CFAP54: variants seen among roughly 807,000 people sequenced by gnomAD.
CFAP54 encodes cilia and flagella associated protein 54.
A neutral mutation model predicts 370.4 loss-of-function variants in CFAP54; 290 were observed. The observed-to-expected ratio is 0.78, with a 90% confidence interval of 0.71 to 0.86. CFAP54 has a LOEUF of 0.86. Among genes scored for constraint, CFAP54 ranks in the 40% least tolerant of loss-of-function variants. The probability of loss-of-function intolerance (pLI) is 0.00; values close to 1 mark genes in which losing one functional copy is unlikely to be tolerated. For synonymous variants in CFAP54, 1,206 were observed against 1,236.5 expected, an observed-to-expected ratio of 0.98 and a Z score of 0.52; for missense variants, 3,399 against 3,528.7, an observed-to-expected ratio of 0.96 and a Z score of 0.93.
chr12:96,588,733 A>G (rs551760845), intron 22 of CFAP54, among the ~76,000 whole-genome samples: 1 of 150,858 alleles, frequency 6.6e-6, no homozygotes, highest in South Asian at 2.1e-4. Context: ...GAGATTTTAT[A>G]TTGTTATTTA....
At chr12:96,814,722 C>T (rs922273282) in intron 64 of CFAP54, among the ~76,000 whole-genome samples, 1 of 152,156 alleles carries the variant, frequency 6.6e-6, no homozygotes, top group Non-Finnish European at 1.5e-5. Context: ...AACCCACCAA[C>T]AGGCCCTAGT....
intron 8 of CFAP54, among the ~76,000 whole-genome samples, 176 bp from the exon 9 acceptor site, chr12:96,527,070 A>AT (rs934639870): frequency 2.0e-5 from 3 of 151,720 alleles, no homozygotes; most frequent in African/African-American, 4.8e-5. Context: ...CAATTCTGAA[A>AT]TTTTTTTGTT....
In CFAP54 at chr12:96,756,502, T is replaced by C. The variant is rs764374001; in HGVS notation, c.7885T>C (p.Phe2629Leu). Reference protein sequence around the residue: ...QILMEEKSPSFQLESLYEAIQ... With the variant: ...QILMEEKSPSLQLESLYEAIQ... ...ACTAATGGAAGAGAAATCTCCAAGTTTTCAACTTGAGAGTTTATATGAAGC... is the reference window on the plus strand; with the variant it reads ...ACTAATGGAAGAGAAATCTCCAAGTCTTCAACTTGAGAGTTTATATGAAGC... Residue 2629 changes from phenylalanine (F) to leucine (L), a missense_variant, in exon 57 of 68, where the codon TTT (phenylalanine) becomes CTT (leucine). By Grantham distance (22) the Phe-to-Leu change is conservative. Around this residue, in one of 3 missense-constraint regions of CFAP54, gnomAD observed 2,796 missense variants for 2,869.7 expected, o/e 0.97. Transcript: ENST00000524981. 1.7e-5 allele frequency: 28 copies of C among 1,604,264 alleles called. No individual in the cohort carries two copies. In the African/African-American group the frequency reaches 3.6e-4, roughly 21 times the overall value.
chr12:96,567,339 C>T (rs1474019851), intron 19 of CFAP54, among the ~76,000 whole-genome samples: 3 of 152,050 alleles, frequency 2.0e-5, no homozygotes, highest in Non-Finnish European at 2.9e-5. Context: ...GTATTTTTCG[C>T]CAAGCTAAGA....
At chr12:96,636,217 G>C (rs909499094) in intron 32 of CFAP54, among the ~76,000 whole-genome samples, 3 of 152,104 alleles carry the variant, frequency 2.0e-5, no homozygotes, top group African/African-American at 7.2e-5. Flanking sequence ...CAGGGGACAG[G>C]TACCAAATAT....
intron 26 of CFAP54, among the ~76,000 whole-genome samples, chr12:96,604,431 G>T (rs1565910979): frequency 3.9e-5 from 6 of 152,218 alleles, no homozygotes; most frequent in Non-Finnish European, 1.5e-5. Context: ...ACTTGAGGAG[G>T]CAGTCTGTCC....
chr12:96,748,929 A>T (rs1958151404), intron 55 of CFAP54, among the ~76,000 whole-genome samples: 1 of 152,144 alleles, frequency 6.6e-6, no homozygotes, highest in African/African-American at 2.4e-5. Context: ...ATTATTGCCT[A>T]GTCACTCTCT....
At chr12:96,784,693 CA>C (rs774946604) in intron 60 of CFAP54, 23 bp from the exon 61 acceptor site, 147 of 1,462,430 alleles carry the variant, frequency 1.0e-4, no homozygotes, top group African/African-American at 2.3e-4. Context: ...TATTGTATTA[CA>C]AAAAAAAGTT....
At chr12:96,694,286 A>C (rs1350914330) in intron 45 of CFAP54, among the ~76,000 whole-genome samples, 1 of 152,202 alleles carries the variant, frequency 6.6e-6, no homozygotes, top group African/African-American at 2.4e-5. Flanking sequence ...TTTGAGATTC[A>C]TGTGTGATTG....
chr12:96,647,500 A>AAAAAAAAAAAAAAC (rs1565927578), intron 33 of CFAP54, among the ~76,000 whole-genome samples: 25 of 145,212 alleles, frequency 1.7e-4, no homozygotes, highest in East Asian at 4.5e-4. Flanking sequence ...AAAAAAAGAA[A>AAAAAAAAAAAAAAC]TGCCATTGAT....
intron 11 of CFAP54, 45 bp from the exon 12 acceptor site, chr12:96,535,470 G>C (rs942023168): frequency 1.0e-5 from 13 of 1,257,762 alleles, no homozygotes; most frequent in African/African-American, 1.5e-5. Flanking sequence ...TTGAAATTTT[G>C]TAAGTGATTT....
chr12:96,761,255 GT>G (rs1291021165), intron 58 of CFAP54, among the ~76,000 whole-genome samples: 4 of 149,622 alleles, frequency 2.7e-5, no homozygotes, highest in African/African-American at 9.8e-5. Context: ...TTGGCCATTT[GT>G]GTATCTTCTT....
intron 4 of CFAP54, among the ~76,000 whole-genome samples, chr12:96,512,069 G>A (rs986775927): frequency 6.6e-6 from 1 of 151,828 alleles, no homozygotes; most frequent in Non-Finnish European, 1.5e-5. Flanking sequence ...TTACTTAGGT[G>A]TTGGAAATGC....
intron 39 of CFAP54, among the ~76,000 whole-genome samples, chr12:96,664,382 A>G (rs1957033153): frequency 6.6e-6 from 1 of 151,910 alleles, no homozygotes; most frequent in South Asian, 2.1e-4. Flanking sequence ...GACATGTGGT[A>G]TTTGGTTTTC....
At chr12:96,682,631 C>T (rs1957285380) in intron 40 of CFAP54, among the ~76,000 whole-genome samples, 1 of 152,170 alleles carries the variant, frequency 6.6e-6, no homozygotes, top group Non-Finnish European at 1.5e-5. Flanking sequence ...CCACCTGAGC[C>T]TCCCAAAACG....
chr12:96,592,466 C>T (rs1415685014), intron 23 of CFAP54, 24 bp from the exon 24 acceptor site: 2 of 468,582 alleles, frequency 4.3e-6, no homozygotes, highest in South Asian at 8.1e-5. Flanking sequence ...TATATTTATA[C>T]CTGCCATTTA....
chr12:96,666,511 C>A (rs58344891), intron 39 of CFAP54, among the ~76,000 whole-genome samples: 1 of 152,166 alleles, frequency 6.6e-6, no homozygotes, highest in Non-Finnish European at 1.5e-5. Flanking sequence ...CACACAATCA[C>A]GGAAGAAGGC....
intron 47 of CFAP54, among the ~76,000 whole-genome samples, chr12:96,705,577 G>A (rs1957537714): frequency 6.6e-6 from 1 of 152,066 alleles, no homozygotes; most frequent in African/African-American, 2.4e-5. Flanking sequence ...TATCTTAAAT[G>A]CTAGAGCATC....
At chr12:96,775,312 C>A (rs1958505845) in intron 60 of CFAP54, among the ~76,000 whole-genome samples, 1 of 151,946 alleles carries the variant, frequency 6.6e-6, no homozygotes, top group South Asian at 2.1e-4. Context: ...ACCTGTAATC[C>A]CAGCTACTCG....
Sources: allele counts gnomAD v4.1 joint callset (sites outside exome capture counted in the v4.1 genomes callset), GRCh38; gene constraint gnomAD v4.1.1; regional missense constraint gnomAD v4.1.1; transcripts MANE v1.5; gene names NCBI Gene and HGNC (gene_info 2026-07-23, HGNC 2026-07-21).